Variants in PRKCZ observed in about 807,000 individuals in gnomAD.
PRKCZ encodes protein kinase C zeta type.
PRKCZ carries 33 observed loss-of-function variants against 79.5 expected under a neutral mutation model. The ratio of observed to expected loss-of-function variants is 0.41; its 90% CI spans 0.31 to 0.55. PRKCZ has a LOEUF of 0.55. PRKCZ is among the 20% of genes least tolerant of loss of function. The pLI is 0.19. For missense variants in PRKCZ, 578 were observed against 813.5 expected, an observed-to-expected ratio of 0.71 and a Z score of 3.52; for synonymous variants, 342 against 320.9, an observed-to-expected ratio of 1.07 and a Z score of -0.70.
chr1:2,169,687 G>A, intron 11 of PRKCZ, 83 bp downstream of exon 11: 2 of 1,085,450 alleles, frequency 1.8e-6, no homozygotes, highest in Non-Finnish European at 2.5e-6. Flanking sequence ...GGCTGGGTGG[G>A]TGCGCACAGA....
At chr1:2,131,583 A>G (rs1312246243) in intron 4 of PRKCZ, among the ~76,000 whole-genome samples, 2 of 152,214 alleles carry the variant, frequency 1.3e-5, no homozygotes, top group Non-Finnish European at 2.9e-5. Context: ...GTTATTCAAC[A>G]TACCATTTGA....
At chr1:2,052,236 C>G (rs756678473) in intron 1 of PRKCZ, among the ~76,000 whole-genome samples, 3 of 152,286 alleles carry the variant, frequency 2.0e-5, no homozygotes, top group Middle Eastern at 3.4e-3. Context: ...GACCAAGGCT[C>G]GGAGGCAATG....
intron 1 of PRKCZ, among the ~76,000 whole-genome samples, chr1:2,054,973 C>T (rs1176987317): frequency 6.8e-6 from 1 of 147,504 alleles, no homozygotes; most frequent in Non-Finnish European, 1.5e-5. Flanking sequence ...TACGGAGTCT[C>T]TCTCTGTCGC....
At chr1:2,141,712 G>A (rs1322532487) in intron 5 of PRKCZ, 3 of 161,350 alleles carry the variant, frequency 1.9e-5, no homozygotes, top group Non-Finnish European at 4.1e-5. Flanking sequence ...CCGTAGTGTT[G>A]CAGAGTAAGA....
At position 2,172,238 on chromosome 1, in the gene PRKCZ, G is replaced by T. The variant is rs746036298; in HGVS notation, c.1197+48G>T. On this transcript the variant is annotated intron_variant, in intron 12 of 17. Transcript: ENST00000378567. This position sits in a 1 kb window ranked among gnomAD's most constrained non-coding sequence, Gnocchi z 7.8. ...CCTGACCATCCCGCATGTGCGTCTCGGGGCGCCTGTCCCGCGGGGTAGTGT... is the reference window on the plus strand; with the variant it reads ...CCTGACCATCCCGCATGTGCGTCTCTGGGCGCCTGTCCCGCGGGGTAGTGT... 2 of 1,613,312 alleles carry T rather than the reference G, an allele frequency of 1.2e-6. No homozygotes were observed. Among genetic ancestry groups the T allele is most frequent in the Admixed American group, 3.3e-5 (2 of 59,990 alleles).
chr1:2,116,593 G>C (rs1428085083), intron 4 of PRKCZ, among the ~76,000 whole-genome samples: 2 of 152,262 alleles, frequency 1.3e-5, no homozygotes, highest in African/African-American at 4.8e-5. Flanking sequence ...TAGGGCTTTT[G>C]CGTCCTGGCT....
At chr1:2,109,845 G>A (rs535736251) in intron 4 of PRKCZ, among the ~76,000 whole-genome samples, 2 of 152,170 alleles carry the variant, frequency 1.3e-5, no homozygotes, top group African/African-American at 2.4e-5. Flanking sequence ...GGGGAAAGCC[G>A]TCATCCTGGA....
At chr1:2,051,207 T>A (rs1443636961) in intron 1 of PRKCZ, among the ~76,000 whole-genome samples, 1 of 151,974 alleles carries the variant, frequency 6.6e-6, no homozygotes, top group Non-Finnish European at 1.5e-5. Flanking sequence ...GGACAGGGGT[T>A]TCTGGAGGAG....
chr1:2,146,143 G>C, intron 7 of PRKCZ, 35 bp downstream of exon 7: 1 of 1,571,440 alleles, frequency 6.4e-7, no homozygotes, highest in Non-Finnish European at 8.8e-7. Flanking sequence ...GGTAGAGCCT[G>C]GGCATCACCT....
intron 4 of PRKCZ, among the ~76,000 whole-genome samples, chr1:2,078,824 TC>T (rs563163525): frequency 2.4e-4 from 37 of 152,004 alleles, no homozygotes; most frequent in Non-Finnish European, 4.7e-4. Context: ...TGTCTTTCGA[TC>T]TTTTTTCTCT....
Position 2,092,036 on chromosome 1 carries a change from C to T in PRKCZ, c.334+32445C>T, listed in dbSNP as rs75700282. On this transcript the variant is annotated intron_variant, in intron 4 of 17. Transcript: ENST00000378567. ...CAAGAATGGCCGTGTCCCCAGGAGC[C>T]GGTGGACGAATCTGTCCTTGCTGCC... Among the ~76,000 whole-genome samples, 232 of 151,972 alleles carry T rather than the reference C, an allele frequency of 1.5e-3. 6 individuals are homozygous for T. In the East Asian group the frequency reaches 0.042, roughly 27 times the overall value.
intron 4 of PRKCZ, among the ~76,000 whole-genome samples, chr1:2,129,457 G>A (rs1442360092): frequency 2.6e-5 from 4 of 152,086 alleles, no homozygotes; most frequent in Non-Finnish European, 2.9e-5. Context: ...ACGGTGACAC[G>A]TGGGCTCCTG....
intron 4 of PRKCZ, among the ~76,000 whole-genome samples, chr1:2,078,842 GGC>G (rs1275446260): frequency 2.0e-4 from 29 of 145,770 alleles, no homozygotes; most frequent in African/African-American, 7.0e-4. Flanking sequence ...CTCTGAAGGT[GGC>G]TTTTTTTTTT....
chr1:2,084,819 C>T (rs536784431), intron 4 of PRKCZ, among the ~76,000 whole-genome samples: 6 of 152,160 alleles, frequency 3.9e-5, no homozygotes, highest in Non-Finnish European at 5.9e-5. Flanking sequence ...CCAGCCTGGG[C>T]AACATGGCAA....
intron 4 of PRKCZ, among the ~76,000 whole-genome samples, chr1:2,084,377 G>A (rs943082039): frequency 1.3e-4 from 19 of 151,318 alleles, no homozygotes; most frequent in Non-Finnish European, 1.6e-4. Context: ...GGTGCTGTCC[G>A]CTTCGGATTA....
chr1:2,082,131 A>T lies in PRKCZ; in HGVS notation c.334+22540A>T, dbSNP rs989963769. On this transcript the variant is annotated intron_variant, in intron 4 of 17. Transcript: ENST00000378567. The surrounding 1 kb of genome is among the most constrained non-coding windows in gnomAD (Gnocchi z 4.4). ...AAGTGTCTTTCCACACGGCCATCCG[A>T]GGGCGGACGTGGTCAGGGGTGCTGG... 11 of 322,616 alleles carry T rather than the reference A, an allele frequency of 3.4e-5. No homozygotes were observed. Among genetic ancestry groups the T allele is most frequent in the African/African-American group, 2.4e-4 (11 of 45,930 alleles). 20.0% of individuals were successfully genotyped at this position (322,616 alleles called of 1,614,324 possible). A position where few individuals can be genotyped will look rare whatever the true frequency, so the allele number is the denominator to read the frequency against.
intron 4 of PRKCZ, among the ~76,000 whole-genome samples, chr1:2,131,200 G>A (rs1410449246): frequency 2.0e-5 from 3 of 152,196 alleles, no homozygotes; most frequent in Non-Finnish European, 4.4e-5. Flanking sequence ...TGCCACATGT[G>A]TCCTGCCTCA....
At chr1:2,065,597 T>C (rs1375234335) in intron 4 of PRKCZ, among the ~76,000 whole-genome samples, 1 of 148,496 alleles carries the variant, frequency 6.7e-6, no homozygotes, top group African/African-American at 2.5e-5. Context: ...GAGAATAGCC[T>C]GAACCCGGGA....
At chr1:2,157,089 T>G (rs1223709707) in intron 10 of PRKCZ, among the ~76,000 whole-genome samples, 1 of 152,056 alleles carries the variant, frequency 6.6e-6, no homozygotes, top group Non-Finnish European at 1.5e-5. Context: ...CCAGTCCGGG[T>G]CTGAAGGCCT....
Sources: allele counts gnomAD v4.1 joint callset (sites outside exome capture counted in the v4.1 genomes callset), GRCh38; gene constraint gnomAD v4.1.1; non-coding constraint Gnocchi (gnomAD v3.1); transcripts MANE v1.5; gene names NCBI Gene and HGNC (gene_info 2026-07-23, HGNC 2026-07-21).